Variants in EPAS1 observed in about 807,000 individuals in gnomAD.
EPAS1 encodes the protein endothelial PAS domain protein 1.
EPAS1 carries 23 observed loss-of-function variants against 87.9 expected under a neutral mutation model. The observed-to-expected ratio is 0.26, with a 90% CI of 0.19 to 0.37. The LOEUF (loss-of-function observed/expected upper bound fraction) is 0.37, where lower values mean the gene tolerates loss of function less well. Among genes scored for constraint, EPAS1 ranks in the 10% least tolerant of loss-of-function variants. The pLI is 1.00. For missense variants in EPAS1, 1,138 were observed against 1,120.7 expected, an observed-to-expected ratio of 1.02 and a Z score of -0.22; for synonymous variants, 508 against 444.3, an observed-to-expected ratio of 1.14 and a Z score of -1.80.
intron 6 of EPAS1, among the ~76,000 whole-genome samples, chr2:46,362,460 C>T (rs1299466350): frequency 6.6e-6 from 1 of 152,178 alleles, no homozygotes; most frequent in Non-Finnish European, 1.5e-5. Context: ...CTTCTGAAGG[C>T]AGTTAGTGGC....
chr2:46,350,381 C>G (rs1447804519), intron 2 of EPAS1, among the ~76,000 whole-genome samples: 2 of 152,208 alleles, frequency 1.3e-5, no homozygotes, highest in Non-Finnish European at 2.9e-5. Flanking sequence ...AGAAAAGTTT[C>G]TCTTTACTTA....
intron 1 of EPAS1, among the ~76,000 whole-genome samples, chr2:46,342,942 C>G (rs1179168464): frequency 6.6e-6 from 1 of 152,036 alleles, no homozygotes; most frequent in Non-Finnish European, 1.5e-5. Flanking sequence ...GAGTTTCCAC[C>G]TCGGGGAGAG....
intron 1 of EPAS1, among the ~76,000 whole-genome samples, chr2:46,324,560 A>G (rs184146287): frequency 1.6e-4 from 25 of 152,356 alleles, no homozygotes; most frequent in Admixed American, 9.2e-4. Flanking sequence ...GGCCAAACCA[A>G]GACACAGTTA....
chr2:46,341,686 G>A (rs1159752243), intron 1 of EPAS1, among the ~76,000 whole-genome samples: 7 of 150,412 alleles, frequency 4.7e-5, no homozygotes, highest in African/African-American at 9.8e-5. Context: ...TTAGGTTTTG[G>A]AAGTGGACCT....
At chr2:46,370,202 G>A (rs1572643360) in intron 7 of EPAS1, among the ~76,000 whole-genome samples, 1 of 152,240 alleles carries the variant, frequency 6.6e-6, no homozygotes, top group South Asian at 2.1e-4. Context: ...AGGGTGGGTT[G>A]AGTCTCAGTC....
Position 46,380,313 on chromosome 2 carries a change from C to T in EPAS1, c.1641C>T (p.Pro547=), listed in dbSNP as rs769574736. The T allele has an allele frequency of 3.0e-5, 49 of 1,613,968 alleles. No homozygotes were observed. Among genetic ancestry groups the T allele is most frequent in the South Asian group, 9.9e-5 (9 of 91,088 alleles). Residue 547 remains proline (P), a synonymous_variant, in exon 12 of 16, where the codon CCC becomes CCT. Transcript: ENST00000263734. This position sits in a 1 kb window ranked among gnomAD's most constrained non-coding sequence, Gnocchi z 4.4. ...GEDFQLSPIC[P]EERLLAENPQ... ...ACTTCCAGCTAAGCCCCATCTGCCC[C>T]GAGGAGCGGCTCTTGGCGGAGAACC...
intron 6 of EPAS1, among the ~76,000 whole-genome samples, chr2:46,366,045 C>T (rs907406217): frequency 2.2e-4 from 34 of 152,214 alleles, no homozygotes; most frequent in African/African-American, 4.3e-4. Flanking sequence ...ATCCTTTACT[C>T]GTGTAGGGAA....
intron 11 of EPAS1, chr2:46,379,905 ACTCTGTGGAAGAGGGGCTGC>A: frequency 2.2e-6 from 1 of 450,654 alleles, no homozygotes; most frequent in East Asian, 4.7e-5. Context: ...GGCAGGGCTG[ACTCTGTGGAAGAGGGGCTGC>A]CTCGGCTTCA....
intron 1 of EPAS1, among the ~76,000 whole-genome samples, chr2:46,303,057 A>C (rs1268220014): frequency 2.0e-5 from 3 of 152,334 alleles, no homozygotes; most frequent in Middle Eastern, 3.4e-3. Context: ...TGGGTGACAG[A>C]GCGAGACAAC....
intron 6 of EPAS1, among the ~76,000 whole-genome samples, chr2:46,367,914 C>T (rs1046949884): frequency 1.2e-4 from 18 of 152,208 alleles, no homozygotes; most frequent in South Asian, 4.1e-4. Context: ...TGTGTGTGCG[C>T]GTGCATGTGT....
intron 4 of EPAS1, among the ~76,000 whole-genome samples, chr2:46,357,434 C>T (rs10176396): frequency 0.39 from 59,306 of 152,026 alleles, 12,200 homozygotes; most frequent in East Asian, 0.78. Context: ...CAGAGACTCT[C>T]CCTCTCCATA....
chr2:46,312,145 G>A (rs1160864459), intron 1 of EPAS1, among the ~76,000 whole-genome samples: 1 of 152,212 alleles, frequency 6.6e-6, no homozygotes. Flanking sequence ...TCCAAAATTA[G>A]CGTTGGGATG....
chr2:46,341,121 C>T (rs1403590420), intron 1 of EPAS1, among the ~76,000 whole-genome samples: 1 of 152,224 alleles, frequency 6.6e-6, no homozygotes, highest in Non-Finnish European at 1.5e-5. Flanking sequence ...GTACCTAGAA[C>T]ACTGACCACT....
intron 1 of EPAS1, among the ~76,000 whole-genome samples, chr2:46,337,445 C>A (rs1403079393): frequency 6.6e-6 from 1 of 152,182 alleles, no homozygotes; most frequent in Admixed American, 6.5e-5. Flanking sequence ...TAGCTAAGTC[C>A]CCCCTAGAGA....
intron 1 of EPAS1, among the ~76,000 whole-genome samples, chr2:46,345,955 T>C (rs1218335356): frequency 1.3e-5 from 2 of 152,232 alleles, no homozygotes; most frequent in Non-Finnish European, 2.9e-5. Context: ...AGCACTATTG[T>C]TACCATTTTA....
Position 46,347,169 on chromosome 2 carries a change from C to G in EPAS1, c.217+106C>G. The G allele has an allele frequency of 7.9e-7, 1 of 1,262,772 alleles. No individual in the cohort carries two copies. The highest frequency in any genetic ancestry group is 1.2e-6 in the Non-Finnish European group (1 of 867,592). The allele number at this position is 1,262,772 out of a possible 1,614,324, so 78.2% of individuals were successfully genotyped here. On this transcript the variant is annotated intron_variant, in intron 2 of 15. Coordinates refer to ENST00000263734, the MANE Select transcript of EPAS1 (RefSeq NM_001430.5). This position sits in a 1 kb window ranked among gnomAD's most constrained non-coding sequence, Gnocchi z 4.2. ...CCAGAGCTGGAAAGTCACCCCACTA[C>G]AGAACTTTCACCCACAGAAACACCA...
At chr2:46,342,062 G>A (rs767203639) in intron 1 of EPAS1, among the ~76,000 whole-genome samples, 12 of 152,072 alleles carry the variant, frequency 7.9e-5, no homozygotes, top group African/African-American at 1.7e-4. Context: ...CTGGCTACAC[G>A]TGGGGAGCTT....
chr2:46,327,507 C>T (rs1868089), intron 1 of EPAS1, among the ~76,000 whole-genome samples: 96,953 of 152,000 alleles, frequency 0.64, 32,299 homozygotes, highest in East Asian at 0.97. Flanking sequence ...GTTTACAAAT[C>T]CCATGAATTC....
chr2:46,309,104 G>A (rs1416096889), intron 1 of EPAS1, among the ~76,000 whole-genome samples: 3 of 152,228 alleles, frequency 2.0e-5, no homozygotes, highest in Non-Finnish European at 4.4e-5. Context: ...TGTAGACTGA[G>A]TAATTCTGTC....
Sources: allele counts gnomAD v4.1 joint callset (sites outside exome capture counted in the v4.1 genomes callset), GRCh38; gene constraint gnomAD v4.1.1; non-coding constraint Gnocchi (gnomAD v3.1); transcripts MANE v1.5; gene names NCBI Gene and HGNC (gene_info 2026-07-23, HGNC 2026-07-21).